The following SRGAP2C variants were observed in gnomAD, a reference collection of about 807,000 sequenced individuals.
The protein encoded by SRGAP2C is SLIT-ROBO Rho GTPase activating protein 2C.
SRGAP2C carries 15 observed loss-of-function variants against 25.1 expected under a neutral mutation model. The ratio of observed to expected loss-of-function variants is 0.60; its 90% confidence interval spans 0.40 to 0.92. SRGAP2C has a LOEUF of 0.92. Ranked by LOEUF, SRGAP2C falls within the 40% of genes least tolerant of loss-of-function variation. The pLI is 0.00. For synonymous variants in SRGAP2C, 44 were observed against 96.6 expected (o/e 0.46, Z 3.19); for missense variants, 144 against 264.4 (o/e 0.54, Z 3.16).
At chr1:121,245,731 G>A (rs1656211051) in intron 2 of SRGAP2C, among the ~76,000 whole-genome samples, 1 of 114,486 alleles carries the variant, frequency 8.7e-6, no homozygotes. Context: ...TACTGATCCA[G>A]TTTAATTGTA....
At chr1:121,277,361 T>C (rs1657129384) in intron 2 of SRGAP2C, among the ~76,000 whole-genome samples, 1 of 152,080 alleles carries the variant, frequency 6.6e-6, no homozygotes, top group East Asian at 1.9e-4. Context: ...GGACCAAAAA[T>C]CCAAGGCAAA....
intron 3 of SRGAP2C, among the ~76,000 whole-genome samples, chr1:121,304,038 A>C (rs1380914329): frequency 1.1e-5 from 1 of 92,258 alleles, no homozygotes; most frequent in Non-Finnish European, 2.4e-5. Flanking sequence ...CCCTGTCTCT[A>C]CTAAAAAATA....
chr1:121,314,710 T>G (rs1296807654), intron 3 of SRGAP2C, among the ~76,000 whole-genome samples: 3 of 151,088 alleles, frequency 2.0e-5, no homozygotes, highest in Non-Finnish European at 2.9e-5. Flanking sequence ...GTGCCCCTGC[T>G]GGGGGGTGCC....
At chr1:121,360,935 T>G (rs1659177639) in intron 4 of SRGAP2C, 2 of 143,388 alleles carry the variant, frequency 1.4e-5, no homozygotes, top group South Asian at 4.7e-4. Context: ...ATATGTGCCC[T>G]TGAAAACTGG....
chr1:121,355,542 C>T (rs1485369840), intron 4 of SRGAP2C, among the ~76,000 whole-genome samples: 9 of 128,890 alleles, frequency 7.0e-5, no homozygotes, highest in Non-Finnish European at 1.3e-4. Context: ...ATCTCCTGAC[C>T]TCGTGATCCG....
intron 4 of SRGAP2C, chr1:121,362,335 T>C (rs1231072591): frequency 1.4e-5 from 2 of 147,766 alleles, no homozygotes; most frequent in African/African-American, 5.0e-5. Flanking sequence ...ACACATGTAT[T>C]CCCAGCCCAA....
chr1:121,378,053 A>C (rs1282402625), intron 7 of SRGAP2C, among the ~76,000 whole-genome samples: 8 of 151,290 alleles, frequency 5.3e-5, no homozygotes, highest in Non-Finnish European at 1.2e-4. Flanking sequence ...TCATCTGTTA[A>C]GTTCTGTGAG....
At chr1:121,362,493 T>C (rs1176144709) in intron 4 of SRGAP2C, among the ~76,000 whole-genome samples, 1 of 151,414 alleles carries the variant, frequency 6.6e-6, no homozygotes, top group Non-Finnish European at 1.5e-5. Flanking sequence ...GGTTACACTT[T>C]TCCCTCCTCT....
At chr1:121,202,310 C>T (rs1373481522) in intron 2 of SRGAP2C, among the ~76,000 whole-genome samples, 1 of 152,164 alleles carries the variant, frequency 6.6e-6, no homozygotes, top group South Asian at 2.1e-4. Context: ...CTGGAGTCTT[C>T]TTCTTTCCTG....
intron 3 of SRGAP2C, among the ~76,000 whole-genome samples, chr1:121,294,800 C>T (rs1487249457): frequency 2.1e-5 from 3 of 143,024 alleles, no homozygotes; most frequent in Non-Finnish European, 3.0e-5. Flanking sequence ...ATCTTTTCAC[C>T]GTTTCTCCCA....
chr1:121,216,395 G>A (rs1343323442), intron 2 of SRGAP2C, among the ~76,000 whole-genome samples: 1 of 152,066 alleles, frequency 6.6e-6, no homozygotes, highest in Non-Finnish European at 1.5e-5. Flanking sequence ...CCATAGTAAT[G>A]AAAGAAATGT....
intron 2 of SRGAP2C, among the ~76,000 whole-genome samples, chr1:121,243,782 G>GT (rs57068907): frequency 0.037 from 3,592 of 96,944 alleles, 291 homozygotes; most frequent in East Asian, 0.12. Flanking sequence ...CAGTGTTTTT[G>GT]TTTTTTTTTT....
chr1:121,366,961 G>A lies in SRGAP2C; in HGVS notation c.486+1606G>A, dbSNP rs1362988878. ...CTTTAAAAAAAAAAATAAGTGAAAGGGCGTAAGCTGTGTTTGAGTGAGGAA... is the reference window on the plus strand; with the variant it reads ...CTTTAAAAAAAAAAATAAGTGAAAGAGCGTAAGCTGTGTTTGAGTGAGGAA... On this transcript the variant is annotated intron_variant, in intron 5 of 9. Transcript: ENST00000367123. Among the ~76,000 whole-genome samples, 4 of 100,986 alleles carry A rather than the reference G, an allele frequency of 4.0e-5. 1 individual carries two copies. Among genetic ancestry groups the A allele is most frequent in the Non-Finnish European group, 8.6e-5 (4 of 46,408 alleles). 66.3% of individuals were successfully genotyped at this position (100,986 alleles called of 152,430 possible).
chr1:121,289,179 G>A (rs1170609958), intron 3 of SRGAP2C, among the ~76,000 whole-genome samples: 3 of 149,426 alleles, frequency 2.0e-5, no homozygotes, highest in Non-Finnish European at 3.0e-5. Context: ...GGGAGGCTCC[G>A]GCCGCACAGG....
In SRGAP2C at chr1:121,354,261, CCTT is replaced by C. The variant is rs1458420489; in HGVS notation, c.424-11031_424-11029del. Among the ~76,000 whole-genome samples the C allele has an allele frequency of 3.3e-4, 10 of 29,928 alleles. 2 individuals are homozygous for C. The East Asian group carries it at 8.0e-3, about 24-fold the overall frequency. The allele number at this position is 29,928 out of a possible 152,430, so 19.6% of individuals were successfully genotyped here. On this transcript the variant is annotated intron_variant, in intron 4 of 9. Transcript: ENST00000367123. ...TAGATTCCTTTCTTTCTTTCTCTCT[CCTT>C]TCTTTCTTTCTTTCTTTCTTTCTTT...
At chr1:121,287,892 G>C (rs1657410471) in intron 3 of SRGAP2C, among the ~76,000 whole-genome samples, 1 of 152,054 alleles carries the variant, frequency 6.6e-6, no homozygotes, top group African/African-American at 2.4e-5. Context: ...CTCCCGGTGG[G>C]CTTGTGGTCT....
intron 8 of SRGAP2C, among the ~76,000 whole-genome samples, chr1:121,384,867 G>A (rs1487049381): frequency 6.6e-6 from 1 of 152,194 alleles, no homozygotes; most frequent in African/African-American, 2.4e-5. Flanking sequence ...GAACAGGCTT[G>A]GAGGTGGTTT....
chr1:121,271,452 A>G (rs150821676), intron 2 of SRGAP2C, among the ~76,000 whole-genome samples: 7,949 of 151,628 alleles, frequency 0.052, 723 homozygotes, highest in African/African-American at 0.18. Context: ...GGAGGAGGAT[A>G]CGGAATGTAC....
rs1390430538 is a variant in SRGAP2C, at chr1:121,388,407, C to A, written c.*552C>A. 1.1e-4 allele frequency: 6 copies of A among 52,542 alleles called. No homozygotes were observed. Among genetic ancestry groups the A allele is most frequent in the African/African-American group, 5.6e-4 (6 of 10,764 alleles). The allele number at this position is 52,542 out of a possible 1,614,324, so 3.3% of individuals were successfully genotyped here. On this transcript the variant is annotated 3_prime_UTR_variant, in exon 10 of 10. Transcript: ENST00000367123. ...TCTAGTCTTCTTTTAGACAGTTGGA[C>A]CCTTTTTTCTTTTTCTTTTTTTTTT...
Sources: allele counts gnomAD v4.1 joint callset (sites outside exome capture counted in the v4.1 genomes callset), GRCh38; gene constraint gnomAD v4.1.1; transcripts MANE v1.5; gene names NCBI Gene and HGNC (gene_info 2026-07-23, HGNC 2026-07-21).